ABCA13: variants seen among roughly 807,000 people sequenced by gnomAD.
The protein encoded by ABCA13 is ATP binding cassette subfamily A member 13, also known as ATP-binding cassette sub-family A member 13.
A neutral mutation model predicts 478.7 loss-of-function variants in ABCA13; 476 were observed. The observed-to-expected ratio is 0.99, with a 90% CI of 0.92 to 1.07. The LOEUF (loss-of-function observed/expected upper bound fraction) is 1.07, where lower values mean the gene tolerates loss of function less well. ABCA13 is among the 50% of genes least tolerant of loss of function. The probability of loss-of-function intolerance (pLI) is 0.00; values close to 1 mark genes in which losing one functional copy is unlikely to be tolerated. For synonymous variants in ABCA13, 2,252 were observed against 2,158.9 expected, an observed-to-expected ratio of 1.04 and a Z score of -1.20; for missense variants, 6,060 against 5,910.6, an observed-to-expected ratio of 1.03 and a Z score of -0.83.
At chr7:48,437,884 T>A (rs961670318) in intron 42 of ABCA13, among the ~76,000 whole-genome samples, 1 of 152,088 alleles carries the variant, frequency 6.6e-6, no homozygotes, top group Non-Finnish European at 1.5e-5. Flanking sequence ...TCTTCTGATG[T>A]TCCTTGGCCA....
At chr7:48,290,207 A>G (rs1798312685) in intron 20 of ABCA13, among the ~76,000 whole-genome samples, 1 of 152,220 alleles carries the variant, frequency 6.6e-6, no homozygotes, top group Admixed American at 6.5e-5. Context: ...TTAAACTTCA[A>G]AAATGACAGC....
At position 48,335,432 on chromosome 7, in the gene ABCA13, C is replaced by A. The variant is rs752651141; in HGVS notation, c.10010C>A (p.Thr3337Asn). ...INKVIQKANY[T>N]FYIVDKLKTL... ...TGCTTCATTTTGCAGGCTAATTACA[C>A]CTTTTATATTGTGGACAAACTAAAA... Residue 3337 changes from threonine (T) to asparagine (N), a missense_variant, in exon 28 of 62, where the codon ACC becomes AAC. This residue lies in a region of ABCA13 where 4,423 missense variants were observed against 4,309.1 expected (regional missense o/e 1.03). Transcript: ENST00000435803. 3 of 1,606,586 alleles carry A rather than the reference C, an allele frequency of 1.9e-6. No homozygotes were observed. In the South Asian group the frequency reaches 3.3e-5, roughly 18 times the overall value.
chr7:48,343,129 T>C lies in ABCA13; in HGVS notation c.10204+4674T>C, dbSNP rs554257243. On this transcript the variant is annotated intron_variant, in intron 29 of 61. Coordinates refer to ENST00000435803, the MANE Select transcript of ABCA13 (RefSeq NM_152701.5). ...TTTTTTTTGGTTATTTTTCTTGTCT[T>C]GTCTCCAGGAATATTAAGGATTAAA... is the stretch of plus-strand genomic sequence containing the variant. 7.9e-5 allele frequency among the ~76,000 whole-genome samples: 12 copies of C among 152,224 alleles called. No individual in the cohort carries two copies. In the South Asian group the frequency reaches 2.5e-3, roughly 32 times the overall value.
intron 35 of ABCA13, among the ~76,000 whole-genome samples, chr7:48,380,345 A>G (rs1814153093): frequency 6.6e-6 from 1 of 152,244 alleles, no homozygotes; most frequent in African/African-American, 2.4e-5. Flanking sequence ...GGCAGAATGA[A>G]GATTGATACA....
At chr7:48,327,818 T>G (rs1405277758) in intron 27 of ABCA13, among the ~76,000 whole-genome samples, 1 of 152,216 alleles carries the variant, frequency 6.6e-6, no homozygotes. Flanking sequence ...TGTGTAGCAA[T>G]GCATGGCATT....
chr7:48,535,979 T>C (rs922395973), intron 55 of ABCA13, among the ~76,000 whole-genome samples: 1 of 152,214 alleles, frequency 6.6e-6, no homozygotes, highest in African/African-American at 2.4e-5. Flanking sequence ...GGTTTTCCGA[T>C]GTCTCATTGA....
intron 27 of ABCA13, among the ~76,000 whole-genome samples, chr7:48,326,507 C>T (rs1029252826): frequency 1.3e-5 from 2 of 152,154 alleles, no homozygotes; most frequent in African/African-American, 2.4e-5. Flanking sequence ...TTGCTCTAAT[C>T]CTGACACCGC....
chr7:48,374,301 A>G (rs747768135), intron 33 of ABCA13, 46 bp from the exon 34 acceptor site: 32 of 1,553,030 alleles, frequency 2.1e-5, no homozygotes, highest in Non-Finnish European at 2.7e-5. Flanking sequence ...CTGTGGTCCC[A>G]ATCAAAACAC....
chr7:48,278,564 T>C lies in ABCA13; in HGVS notation c.7370T>C (p.Leu2457Pro). 1 of 1,613,944 alleles carries C rather than the reference T, an allele frequency of 6.2e-7. No homozygotes were observed. The highest frequency in any genetic ancestry group is 1.1e-5 in the South Asian group (1 of 91,074). ...EVILANLTDL[L>P]FFINNSFPLR... ...ATACTTGCTAATCTAACGGATTTGC[T>C]TTTCTTTATAAATAATTCATTCCCT... is the stretch of plus-strand genomic sequence containing the variant. Residue 2457 changes from leucine to proline, a missense_variant, in exon 18 of 62, where the codon CTT (leucine) becomes CCT (proline). Physicochemically the swap from Leu to Pro is moderately conservative, Grantham distance 98. Coordinates refer to ENST00000435803, the MANE Select transcript of ABCA13 (RefSeq NM_152701.5).
At chr7:48,204,007 C>G (rs1051197335) in intron 3 of ABCA13, among the ~76,000 whole-genome samples, 1 of 152,106 alleles carries the variant, frequency 6.6e-6, no homozygotes, top group African/African-American at 2.4e-5. Flanking sequence ...ACCCTCTCTG[C>G]CTCTTTTCCA....
intron 18 of ABCA13, among the ~76,000 whole-genome samples, chr7:48,280,374 T>C (rs1280209522): frequency 6.6e-6 from 1 of 152,164 alleles, no homozygotes; most frequent in Non-Finnish European, 1.5e-5. Flanking sequence ...TCTGCCCTTT[T>C]TTGATTCTGC....
chr7:48,379,645 A>G (rs1186147196), intron 35 of ABCA13, among the ~76,000 whole-genome samples: 1 of 152,204 alleles, frequency 6.6e-6, no homozygotes, highest in African/African-American at 2.4e-5. Context: ...AGGAAAGAAA[A>G]TGCATAAGTA....
chr7:48,335,312 G>T, intron 27 of ABCA13, 110 bp from the exon 28 acceptor site: 1 of 670,182 alleles, frequency 1.5e-6, no homozygotes, highest in Non-Finnish European at 2.4e-6. Context: ...TAGCTGGCCT[G>T]CAGGCAGATC....
chr7:48,250,783 T>G (rs964001614), intron 15 of ABCA13, among the ~76,000 whole-genome samples: 1 of 152,192 alleles, frequency 6.6e-6, no homozygotes, highest in Non-Finnish European at 1.5e-5. Context: ...TCTGCTTTTT[T>G]ACTCTAGAGC....
chr7:48,306,735 A>G (rs1016617886), intron 23 of ABCA13, among the ~76,000 whole-genome samples: 2 of 152,256 alleles, frequency 1.3e-5, no homozygotes, highest in Non-Finnish European at 2.9e-5. Flanking sequence ...CAAAATGCAC[A>G]CTAGCATACT....
At position 48,645,521 on chromosome 7, in the gene ABCA13, G is replaced by C. The variant is rs752751000; in HGVS notation, c.*9G>C. 1.9e-6 allele frequency: 3 copies of C among 1,566,472 alleles called. No homozygotes were observed. The highest frequency in any genetic ancestry group is 2.6e-6 in the Non-Finnish European group (3 of 1,153,154). On this transcript the variant is annotated 3_prime_UTR_variant, in exon 62 of 62. Transcript: ENST00000435803. ...ATCACTTGCCCATCTGAGCACTAAA[G>C]AAGTTTCCATAAGGAATAAAACCTT... is the stretch of plus-strand genomic sequence containing the variant.
intron 55 of ABCA13, among the ~76,000 whole-genome samples, chr7:48,574,468 A>G (rs576082715): frequency 1.3e-5 from 2 of 152,194 alleles, no homozygotes; most frequent in Admixed American, 1.3e-4. Flanking sequence ...TGATAGGTTT[A>G]GTTACTTTTT....
chr7:48,391,807 C>T (rs1816099301), intron 37 of ABCA13, 114 bp from the exon 38 acceptor site: 1 of 970,552 alleles, frequency 1.0e-6, no homozygotes, highest in East Asian at 2.6e-5. Flanking sequence ...ACCAGGTCAG[C>T]AGAAGGTGAG....
At chr7:48,297,800 G>A (rs888047326) in intron 22 of ABCA13, among the ~76,000 whole-genome samples, 3 of 91,300 alleles carry the variant, frequency 3.3e-5, no homozygotes, top group African/African-American at 4.7e-5. Flanking sequence ...TTTTTTTTTT[G>A]TGTCTCACTC....
Sources: allele counts gnomAD v4.1 joint callset (sites outside exome capture counted in the v4.1 genomes callset), GRCh38; gene constraint gnomAD v4.1.1; regional missense constraint gnomAD v4.1.1; transcripts MANE v1.5; gene names NCBI Gene and HGNC (gene_info 2026-07-23, HGNC 2026-07-21).